The following ASAH2 variants were observed in gnomAD, a reference collection of about 807,000 sequenced individuals.
The protein encoded by ASAH2 is neutral ceramidase.
Under a neutral mutation model 82.9 loss-of-function variants are expected in ASAH2, and 58 were observed. The observed-to-expected ratio is 0.70, with a 90% CI of 0.57 to 0.87. The LOEUF is 0.87. ASAH2 is among the 40% of genes least tolerant of loss of function. The pLI is 0.00. For synonymous variants in ASAH2, 276 were observed against 289.7 expected (o/e 0.95, Z 0.48); for missense variants, 779 against 834.0 (o/e 0.93, Z 0.81).
intron 12 of ASAH2, among the ~76,000 whole-genome samples, chr10:50,210,496 G>T (rs1845423877): frequency 6.6e-6 from 1 of 151,378 alleles, no homozygotes; most frequent in Non-Finnish European, 1.5e-5. Flanking sequence ...GCAAAATTCT[G>T]TCTCAAAAAA....
intron 6 of ASAH2, among the ~76,000 whole-genome samples, chr10:50,233,793 T>G (rs1846075352): frequency 6.6e-6 from 1 of 152,138 alleles, no homozygotes. Flanking sequence ...TTTACAGTGT[T>G]ACAGTAACCA....
intron 7 of ASAH2, among the ~76,000 whole-genome samples, chr10:50,224,561 CTCT>C (rs1845832592): frequency 6.6e-6 from 1 of 152,100 alleles, no homozygotes; most frequent in African/African-American, 2.4e-5. Context: ...TGCCCATGTG[CTCT>C]TCTATTTCCC....
chr10:50,227,531 C>T (rs1191688772), intron 7 of ASAH2, among the ~76,000 whole-genome samples: 3 of 152,040 alleles, frequency 2.0e-5, no homozygotes, highest in Non-Finnish European at 2.9e-5. Context: ...ATGATTGATT[C>T]GAGGTAGTAT....
intron 7 of ASAH2, among the ~76,000 whole-genome samples, chr10:50,218,998 C>T (rs1490670945): frequency 6.6e-6 from 1 of 152,162 alleles, no homozygotes; most frequent in East Asian, 1.9e-4. Context: ...CCGACATTTA[C>T]TAAGGGTTAC....
intron 10 of ASAH2, 97 bp downstream of exon 10, chr10:50,212,875 T>G: frequency 2.5e-6 from 3 of 1,217,804 alleles, no homozygotes; most frequent in Non-Finnish European, 3.7e-6. Context: ...GAGCATTTGC[T>G]GTTTTCTTTA....
chr10:50,218,645 G>C lies in ASAH2; in HGVS notation c.894-15C>G. The C allele has an allele frequency of 6.2e-7, 1 of 1,613,702 alleles. No individual in the cohort carries two copies. The highest frequency in any genetic ancestry group is 1.1e-5 in the South Asian group (1 of 91,074). On this transcript the variant is annotated splice_polypyrimidine_tract_variant and intron_variant, in intron 7 of 20. Transcript: ENST00000682911. ...TGGCAAACCAGCTGTAAAAGAGCAA[G>C]AAGCTCTAAATTAATCAGGAGAACG... is the stretch of plus-strand genomic sequence containing the variant.
At chr10:50,244,770 G>A (rs1326285065) in intron 3 of ASAH2, among the ~76,000 whole-genome samples, 2 of 152,154 alleles carry the variant, frequency 1.3e-5, no homozygotes, top group African/African-American at 2.4e-5. Flanking sequence ...AAAACTGCAA[G>A]ATAGGGCAGC....
At chr10:50,237,321 A>C (rs1846186877) in intron 4 of ASAH2, among the ~76,000 whole-genome samples, 1 of 152,190 alleles carries the variant, frequency 6.6e-6, no homozygotes, top group African/African-American at 2.4e-5. Context: ...TCCTGTCAGC[A>C]CTAACTTGCT....
intron 10 of ASAH2, 131 bp from the exon 11 acceptor site, chr10:50,211,265 CT>C: frequency 1.3e-6 from 1 of 756,718 alleles, no homozygotes; most frequent in Non-Finnish European, 2.3e-6. Context: ...TTGCTGGTTG[CT>C]TAGAATTGGC....
intron 7 of ASAH2, among the ~76,000 whole-genome samples, chr10:50,219,137 C>T (rs1217469748): frequency 2.0e-5 from 3 of 152,120 alleles, no homozygotes; most frequent in Non-Finnish European, 4.4e-5. Flanking sequence ...GTTCAGGGAC[C>T]ACAGATGACT....
rs1846414969 is a variant in ASAH2, at chr10:50,245,212, G to A, written c.360+10C>T. On this transcript the variant is annotated intron_variant, in intron 3 of 20. Coordinates refer to ENST00000682911, the MANE Select transcript of ASAH2 (RefSeq NM_019893.4). The stretch of plus-strand genomic sequence containing the variant: ...TCACAGTCTCCTTAAGGAGCCCATT[G>A]TCTACTTGCCAAATTGATATCTGCT... The A allele has an allele frequency of 6.2e-7, 1 of 1,601,086 alleles. No homozygotes were observed. Among genetic ancestry groups the A allele is most frequent in the Non-Finnish European group, 8.6e-7 (1 of 1,168,262 alleles).
At chr10:50,207,969 C>T (rs1845348263) in intron 12 of ASAH2, among the ~76,000 whole-genome samples, 1 of 151,782 alleles carries the variant, frequency 6.6e-6, no homozygotes, top group Non-Finnish European at 1.5e-5. Flanking sequence ...TAGAACATGA[C>T]CAACTGGGAT....
intron 7 of ASAH2, among the ~76,000 whole-genome samples, chr10:50,220,791 AAAG>A (rs1233011722): frequency 2.0e-5 from 3 of 149,494 alleles, no homozygotes; most frequent in African/African-American, 7.4e-5. Flanking sequence ...AGTTTTTAAA[AAAG>A]AAGTATATAA....
At chr10:50,213,927 T>C (rs1272294641) in intron 9 of ASAH2, among the ~76,000 whole-genome samples, 1 of 152,126 alleles carries the variant, frequency 6.6e-6, no homozygotes, top group African/African-American at 2.4e-5. Context: ...AGGTGAAATG[T>C]TCTACAAACA....
chr10:50,220,326 G>A (rs992215085), intron 7 of ASAH2, among the ~76,000 whole-genome samples: 5 of 152,088 alleles, frequency 3.3e-5, no homozygotes, highest in African/African-American at 9.7e-5. Flanking sequence ...ACATGGACAC[G>A]TATGTTCGTT....
At chr10:50,245,746 C>G (rs187718568) in intron 2 of ASAH2, among the ~76,000 whole-genome samples, 95 of 152,316 alleles carry the variant, frequency 6.2e-4, no homozygotes, top group African/African-American at 2.1e-3. Context: ...CCCTGCTCTT[C>G]TTTTCCAGCT....
chr10:50,204,724 A>C (rs1845249135), intron 14 of ASAH2, 137 bp downstream of exon 14: 1 of 691,130 alleles, frequency 1.4e-6, no homozygotes, highest in South Asian at 1.9e-5. Context: ...GAGGGTAGGA[A>C]TATTTGCCAC....
chr10:50,233,040 C>T (rs1469840147), intron 7 of ASAH2, 144 bp downstream of exon 7: 3 of 746,406 alleles, frequency 4.0e-6, no homozygotes, highest in Non-Finnish European at 4.9e-6. Flanking sequence ...GGCTGGACCC[C>T]AGTTGTGTCT....
intron 7 of ASAH2, among the ~76,000 whole-genome samples, chr10:50,223,204 C>T (rs1228329582): frequency 5.3e-5 from 8 of 152,086 alleles, no homozygotes; most frequent in Non-Finnish European, 1.0e-4. Flanking sequence ...TAAAACACTA[C>T]AATTTTTTTT....
Sources: allele counts gnomAD v4.1 joint callset (sites outside exome capture counted in the v4.1 genomes callset), GRCh38; gene constraint gnomAD v4.1.1; transcripts MANE v1.5; gene names NCBI Gene and HGNC (gene_info 2026-07-23, HGNC 2026-07-21).